EIF3M: variants seen among roughly 807,000 people sequenced by gnomAD.
The protein encoded by EIF3M is B5 receptor.
EIF3M carries 25 observed loss-of-function variants against 49.7 expected under a neutral mutation model. The observed-to-expected ratio is 0.50, with a 90% CI of 0.37 to 0.70. The LOEUF is 0.70. Among genes scored for constraint, EIF3M ranks in the 30% least tolerant of loss-of-function variants. The pLI is 0.00. For synonymous variants in EIF3M, 156 were observed against 149.8 expected, an observed-to-expected ratio of 1.04 and a Z score of -0.30; for missense variants, 350 against 440.0, an observed-to-expected ratio of 0.80 and a Z score of 1.83.
rs555789452 is a variant in EIF3M, at chr11:32,603,814, C to G, written c.*1415C>G. 1.3e-5 allele frequency: 2 copies of G among 152,252 alleles called. No homozygotes were observed. The highest frequency in any genetic ancestry group is 6.5e-5 in the Admixed American group (1 of 15,274). The allele number at this position is 152,252 out of a possible 1,614,324, so 9.4% of individuals were successfully genotyped here. On this transcript the variant is annotated 3_prime_UTR_variant, in exon 11 of 11. Transcript: ENST00000531120. ...ACTGGGCCAGGCACTGTGACTCATA[C>G]CTGTAATCCCAGCACTTTGGGAAAC...
chr11:32,591,297 G>T (rs1368534204), intron 5 of EIF3M, among the ~76,000 whole-genome samples: 1 of 152,234 alleles, frequency 6.6e-6, no homozygotes, highest in African/African-American at 2.4e-5. Flanking sequence ...ACTTGCACCT[G>T]TGCTTACAGT....
chr11:32,584,112 C>T (rs1854953041), intron 1 of EIF3M, 183 bp downstream of exon 1: 1 of 745,656 alleles, frequency 1.3e-6, no homozygotes, highest in Non-Finnish European at 2.1e-6. Flanking sequence ...AGCTCGCCGG[C>T]CGGCGGTCCC....
At chr11:32,599,372 T>G (rs1042769884) in intron 8 of EIF3M, among the ~76,000 whole-genome samples, 1 of 152,064 alleles carries the variant, frequency 6.6e-6, no homozygotes, top group Non-Finnish European at 1.5e-5. Context: ...ATTTGAGTTA[T>G]GGTGATCATG....
At chr11:32,594,848 T>G (rs1431674029) in intron 6 of EIF3M, 66 bp from the exon 7 acceptor site, 2 of 1,454,108 alleles carry the variant, frequency 1.4e-6, no homozygotes, top group Non-Finnish European at 1.9e-6. Context: ...TTTTATGATC[T>G]GCAAAAACTC....
rs2133208349 is a variant in EIF3M, at chr11:32,603,941, A to G, written c.*1542A>G. On this transcript the variant is annotated 3_prime_UTR_variant, in exon 11 of 11. Coordinates refer to ENST00000531120, the MANE Select transcript of EIF3M (RefSeq NM_006360.6). Reference sequence around the variant, plus strand: ...AATTAGCTGGGCATGGTGGCATGCAACTGTAGTCCCAGCTCCTCGGAGGGC... The same window carrying G: ...AATTAGCTGGGCATGGTGGCATGCAGCTGTAGTCCCAGCTCCTCGGAGGGC... 1 of 152,328 alleles carries G rather than the reference A, an allele frequency of 6.6e-6. No homozygotes were observed. The highest frequency in any genetic ancestry group is 2.4e-5 in the African/African-American group (1 of 41,542). 9.4% of individuals were successfully genotyped at this position (152,328 alleles called of 1,614,324 possible).
intron 8 of EIF3M, among the ~76,000 whole-genome samples, chr11:32,599,866 A>G (rs563199919): frequency 7.5e-4 from 114 of 151,878 alleles, no homozygotes; most frequent in African/African-American, 2.7e-3. Context: ...TTTGCTCCTC[A>G]GTTTTGTTTT....
chr11:32,585,430 T>C (rs1222704075), intron 1 of EIF3M, among the ~76,000 whole-genome samples: 1 of 152,222 alleles, frequency 6.6e-6, no homozygotes, highest in Non-Finnish European at 1.5e-5. Flanking sequence ...CAGGGAAATA[T>C]GAAATTGCTC....
Position 32,594,935 on chromosome 11 carries a change from A to T in EIF3M, c.639A>T (p.Lys213Asn). Reference protein sequence around the residue: ...DAHRCIVRALKDPNAFLFDHL... With the variant: ...DAHRCIVRALNDPNAFLFDHL... ...TAAGGTGTATTGTACGAGCATTGAA[A>T]GATCCAAATGCATTTCTTTTTGACC... The change falls in exon 7 of 11, where the codon AAA (lysine) becomes AAT (asparagine). Residue 213 changes from lysine to asparagine, a missense_variant. Transcript: ENST00000531120. The T allele has an allele frequency of 6.2e-7, 1 of 1,613,526 alleles. No homozygotes were observed. Among genetic ancestry groups the T allele is most frequent in the Non-Finnish European group, 8.5e-7 (1 of 1,179,780 alleles).
chr11:32,593,600 A>G (rs925165117), intron 5 of EIF3M, among the ~76,000 whole-genome samples: 2 of 152,200 alleles, frequency 1.3e-5, no homozygotes, highest in African/African-American at 4.8e-5. Flanking sequence ...TTCCCACTGT[A>G]CATAAAGCGG....
At chr11:32,595,162 C>G in intron 7 of EIF3M, 149 bp downstream of exon 7, 1 of 657,062 alleles carries the variant, frequency 1.5e-6, no homozygotes, top group Non-Finnish European at 2.5e-6. Flanking sequence ...ATATCAGGAA[C>G]AGACATATTT....
intron 3 of EIF3M, 37 bp downstream of exon 3, chr11:32,588,769 G>A: frequency 6.2e-7 from 1 of 1,610,706 alleles, no homozygotes; most frequent in South Asian, 1.1e-5. Flanking sequence ...GTTTTTCTAG[G>A]TGCTTTTTTC....
At chr11:32,594,811 G>A (rs1336520953) in intron 6 of EIF3M, 103 bp from the exon 7 acceptor site, 2 of 961,798 alleles carry the variant, frequency 2.1e-6, no homozygotes, top group Non-Finnish European at 3.1e-6. Context: ...GTTTTGGACT[G>A]TTAGATATTT....
At chr11:32,593,493 AC>A (rs1300535604) in intron 5 of EIF3M, among the ~76,000 whole-genome samples, 2 of 151,864 alleles carry the variant, frequency 1.3e-5, no homozygotes, top group African/African-American at 2.4e-5. Flanking sequence ...ATCTTACCCC[AC>A]CTTTCATGAA....
At position 32,593,852 on chromosome 11, in the gene EIF3M, A is replaced by G. The variant is rs956994251; in HGVS notation, c.534-14A>G. 1.2e-5 allele frequency: 18 copies of G among 1,550,314 alleles called. No individual in the cohort carries two copies. Among genetic ancestry groups the G allele is most frequent in the Admixed American group, 4.2e-5 (2 of 47,652 alleles). On this transcript the variant is annotated splice_polypyrimidine_tract_variant and intron_variant, in intron 5 of 10. Coordinates refer to ENST00000531120, the MANE Select transcript of EIF3M (RefSeq NM_006360.6). ...GTAATGCTTTCAAGTTCCTAAAGCA[A>G]TATTTCTTTTTAGTGATGCTGCTTC...
chr11:32,587,187 T>A (rs779830402), intron 2 of EIF3M, 43 bp downstream of exon 2: 2 of 1,524,742 alleles, frequency 1.3e-6, no homozygotes, highest in Non-Finnish European at 8.8e-7. Context: ...ATAAAATCTT[T>A]TAAATTTTTC....
intron 2 of EIF3M, among the ~76,000 whole-genome samples, chr11:32,587,921 G>A (rs1855025304): frequency 6.6e-6 from 1 of 152,176 alleles, no homozygotes; most frequent in Non-Finnish European, 1.5e-5. Flanking sequence ...ACTAATTCAA[G>A]CAGAGAGCTG....
At chr11:32,588,388 G>GAAAA (rs71463359) in intron 2 of EIF3M, among the ~76,000 whole-genome samples, 7 of 93,048 alleles carry the variant, frequency 7.5e-5, no homozygotes, top group East Asian at 4.6e-4. Context: ...GACTTCATCT[G>GAAAA]AAAAAAAAAA....
At chr11:32,584,104 C>T (rs532165855) in intron 1 of EIF3M, 175 bp downstream of exon 1, 1 of 801,234 alleles carries the variant, frequency 1.2e-6, no homozygotes, top group East Asian at 2.8e-5. Context: ...TTCGCACCAG[C>T]TCGCCGGCCG....
rs758678326 is a variant in EIF3M at position 32,583,936 on chromosome 11, T to A, written c.42+7T>A. 40 of 1,612,154 alleles carry A rather than the reference T, an allele frequency of 2.5e-5. No homozygotes were observed. Among genetic ancestry groups the A allele is most frequent in the Non-Finnish European group, 3.4e-5 (40 of 1,179,818 alleles). ...CATCAGTGAAGAAGATCAGGTGTGC[T>A]TCGGTCTACGGGTGCCGCCACGGTG... On this transcript the variant is annotated splice_region_variant and intron_variant, in intron 1 of 10. Transcript: ENST00000531120.
Sources: allele counts gnomAD v4.1 joint callset (sites outside exome capture counted in the v4.1 genomes callset), GRCh38; gene constraint gnomAD v4.1.1; transcripts MANE v1.5; gene names NCBI Gene and HGNC (gene_info 2026-07-23, HGNC 2026-07-21).